Variants in UBE2R2 observed in about 807,000 individuals in gnomAD.
The protein encoded by UBE2R2 is ubiquitin conjugating enzyme E2 R2.
In UBE2R2, 1 loss-of-function variant was observed where a neutral mutation model predicts 27.8. The ratio of observed to expected loss-of-function variants is 0.04; its 90% CI spans 0.01 to 0.17. The LOEUF is 0.17. Among genes scored for constraint, UBE2R2 ranks in the 10% least tolerant of loss-of-function variants. The pLI is 1.00. For synonymous variants in UBE2R2, 106 were observed against 113.3 expected (o/e 0.94, Z 0.41); for missense variants, 100 against 291.0 (o/e 0.34, Z 4.78).
chr9:33,834,052 C>T (rs898127028), intron 1 of UBE2R2, among the ~76,000 whole-genome samples: 2 of 152,062 alleles, frequency 1.3e-5, no homozygotes, highest in African/African-American at 2.4e-5. Flanking sequence ...TTGTTCCCAC[C>T]TTTGGGTTAT....
At chr9:33,841,106 G>C (rs982688198) in intron 1 of UBE2R2, among the ~76,000 whole-genome samples, 1 of 150,882 alleles carries the variant, frequency 6.6e-6, no homozygotes, top group Non-Finnish European at 1.5e-5. Flanking sequence ...TTTTTGAGAC[G>C]AAGTCTTGCT....
chr9:33,826,524 C>A (rs779608093), intron 1 of UBE2R2, among the ~76,000 whole-genome samples: 1 of 151,966 alleles, frequency 6.6e-6, no homozygotes, highest in Non-Finnish European at 1.5e-5. Context: ...CGGTCAAACC[C>A]CGTCTCTACT....
chr9:33,895,313 T>C (rs1822076616), intron 2 of UBE2R2, among the ~76,000 whole-genome samples: 1 of 152,178 alleles, frequency 6.6e-6, no homozygotes, highest in Non-Finnish European at 1.5e-5. Flanking sequence ...GTCTGTTTTT[T>C]CCCCATTGAA....
At chr9:33,851,114 A>G (rs1820957514) in intron 1 of UBE2R2, among the ~76,000 whole-genome samples, 1 of 152,188 alleles carries the variant, frequency 6.6e-6, no homozygotes, top group Non-Finnish European at 1.5e-5. Context: ...TCCTTAGGCA[A>G]ACATTGTAGT....
chr9:33,894,987 A>G (rs1368941022), intron 2 of UBE2R2, among the ~76,000 whole-genome samples: 1 of 152,196 alleles, frequency 6.6e-6, no homozygotes, highest in Non-Finnish European at 1.5e-5. Flanking sequence ...GGCATGAGCC[A>G]CTGTACCTGG....
chr9:33,831,399 C>A (rs562132993), intron 1 of UBE2R2, among the ~76,000 whole-genome samples: 3 of 152,184 alleles, frequency 2.0e-5, no homozygotes, highest in African/African-American at 7.2e-5. Context: ...AGAATATTTT[C>A]CTTCTTATGA....
intron 2 of UBE2R2, among the ~76,000 whole-genome samples, chr9:33,893,820 C>T (rs144889928): frequency 0.032 from 4,843 of 152,028 alleles, 133 homozygotes; most frequent in African/African-American, 0.083. Flanking sequence ...TTAGTAGAGA[C>T]GGGATTTTGC....
At chr9:33,873,285 G>GT (rs886696562) in intron 1 of UBE2R2, among the ~76,000 whole-genome samples, 1 of 149,546 alleles carries the variant, frequency 6.7e-6, no homozygotes, top group Non-Finnish European at 1.5e-5. Flanking sequence ...TTGTGCTGCT[G>GT]TTTTTTTCCC....
chr9:33,908,338 G>A (rs1445836555), intron 3 of UBE2R2, among the ~76,000 whole-genome samples: 1 of 152,086 alleles, frequency 6.6e-6, no homozygotes, highest in Admixed American at 6.5e-5. Context: ...CAAATGCATC[G>A]CCATAACAAC....
chr9:33,877,264 C>T (rs1821626470), intron 1 of UBE2R2, among the ~76,000 whole-genome samples: 1 of 149,936 alleles, frequency 6.7e-6, no homozygotes, highest in Admixed American at 6.7e-5. Context: ...TCACTGCAAG[C>T]TCCGCCTCCC....
At chr9:33,881,081 A>G (rs895792246) in intron 1 of UBE2R2, among the ~76,000 whole-genome samples, 2 of 152,178 alleles carry the variant, frequency 1.3e-5, no homozygotes, top group African/African-American at 4.8e-5. Flanking sequence ...GTTTTTAGTT[A>G]CATCATTTTG....
chr9:33,873,082 G>C (rs1297591970), intron 1 of UBE2R2, among the ~76,000 whole-genome samples: 1 of 150,412 alleles, frequency 6.6e-6, no homozygotes, highest in African/African-American at 2.4e-5. Flanking sequence ...GGGTGAGACA[G>C]GAGAATTGCT....
chr9:33,853,856 A>G (rs1043011131), intron 1 of UBE2R2, among the ~76,000 whole-genome samples: 2 of 145,924 alleles, frequency 1.4e-5, no homozygotes, highest in Non-Finnish European at 3.0e-5. Flanking sequence ...CCACACCTAG[A>G]TAATTAAAAA....
At chr9:33,893,306 C>T (rs896489489) in intron 2 of UBE2R2, among the ~76,000 whole-genome samples, 4 of 152,122 alleles carry the variant, frequency 2.6e-5, no homozygotes, top group African/African-American at 2.4e-5. Context: ...GTATAAATAG[C>T]GTCATATAGT....
At chr9:33,852,009 G>A (rs1052314650) in intron 1 of UBE2R2, among the ~76,000 whole-genome samples, 3 of 152,076 alleles carry the variant, frequency 2.0e-5, no homozygotes, top group African/African-American at 7.2e-5. Flanking sequence ...TGAGATAGGT[G>A]GGGTTCAACA....
intron 1 of UBE2R2, among the ~76,000 whole-genome samples, chr9:33,836,740 G>A (rs2130733880): frequency 6.7e-6 from 1 of 148,280 alleles, no homozygotes; most frequent in East Asian, 1.9e-4. Flanking sequence ...CTGGGCAACA[G>A]AGCAAGACTC....
intron 1 of UBE2R2, among the ~76,000 whole-genome samples, chr9:33,848,097 C>T (rs889847988): frequency 1.3e-5 from 2 of 152,078 alleles, no homozygotes; most frequent in Non-Finnish European, 2.9e-5. Context: ...TTTATACTGT[C>T]TATCCAATGA....
intron 1 of UBE2R2, among the ~76,000 whole-genome samples, chr9:33,865,844 T>C (rs1366699810): frequency 6.6e-6 from 1 of 151,678 alleles, no homozygotes; most frequent in African/African-American, 2.4e-5. Context: ...TGTTTTTTTT[T>C]TTTTGAGATG....
At chr9:33,837,125 A>G (rs961519362) in intron 1 of UBE2R2, among the ~76,000 whole-genome samples, 8 of 152,012 alleles carry the variant, frequency 5.3e-5, no homozygotes, top group African/African-American at 1.9e-4. Context: ...TTTCTCCTCT[A>G]TGTTTTTCCT....
Sources: gnomAD v4.1 joint callset for allele counts (sites outside exome capture counted in the v4.1 genomes callset) on GRCh38, gnomAD v4.1.1 for gene constraint, MANE v1.5 for transcripts, NCBI Gene and HGNC (gene_info 2026-07-23, HGNC 2026-07-21) for gene names.